CLOCK: variants seen among roughly 807,000 people sequenced by gnomAD.
The protein encoded by CLOCK is circadian locomoter output cycles protein kaput.
CLOCK carries 43 observed loss-of-function variants against 118.4 expected under a neutral mutation model. The observed-to-expected ratio is 0.36, with a 90% CI of 0.28 to 0.47. The LOEUF (loss-of-function observed/expected upper bound fraction) is 0.47, where lower values mean the gene tolerates loss of function less well. CLOCK is among the 20% of genes least tolerant of loss of function. The pLI, the probability that CLOCK is intolerant of heterozygous loss-of-function variation, is 1.00. For missense variants in CLOCK, 846 were observed against 999.9 expected (o/e 0.85, Z 2.08); for synonymous variants, 326 against 339.2 (o/e 0.96, Z 0.43).
intron 16 of CLOCK, 76 bp from the exon 17 acceptor site, chr4:55,449,572 TCA>T (rs1724242038): frequency 7.9e-7 from 1 of 1,258,544 alleles, no homozygotes; most frequent in East Asian, 2.4e-5. Context: ...AAAATGTATT[TCA>T]GTTAATAAAA....
chr4:55,460,926 TC>T (rs1458852122), intron 9 of CLOCK, among the ~76,000 whole-genome samples: 1 of 125,638 alleles, frequency 8.0e-6, no homozygotes, highest in Non-Finnish European at 1.7e-5. Flanking sequence ...TACTTTCCTC[TC>T]CTTTTTTTTT....
At chr4:55,455,813 C>T (rs910310870) in intron 13 of CLOCK, 84 bp downstream of exon 13, 1 of 953,124 alleles carries the variant, frequency 1.0e-6, no homozygotes, top group African/African-American at 1.6e-5. Flanking sequence ...GATTATAAAT[C>T]TGTGTCTTAC....
At chr4:55,520,491 ACTC>A (rs1380117350) in intron 1 of CLOCK, among the ~76,000 whole-genome samples, 2 of 152,098 alleles carry the variant, frequency 1.3e-5, no homozygotes, top group Non-Finnish European at 2.9e-5. Flanking sequence ...AGTATGAACT[ACTC>A]CTAGAAAACA....
At chr4:55,495,803 C>G (rs965039243) in intron 2 of CLOCK, among the ~76,000 whole-genome samples, 12 of 152,162 alleles carry the variant, frequency 7.9e-5, no homozygotes, top group East Asian at 1.9e-4. Context: ...TCCGTATCCT[C>G]AATTTTAAGC....
chr4:55,533,268 T>A (rs922505286), intron 1 of CLOCK, among the ~76,000 whole-genome samples: 2 of 152,158 alleles, frequency 1.3e-5, no homozygotes, highest in East Asian at 3.9e-4. Flanking sequence ...GGTACTGACA[T>A]AAATACAGAG....
intron 2 of CLOCK, among the ~76,000 whole-genome samples, chr4:55,502,701 T>C (rs546760981): frequency 1.3e-5 from 2 of 152,098 alleles, no homozygotes; most frequent in Non-Finnish European, 2.9e-5. Context: ...AATTAAGAAA[T>C]TATCTTAATC....
rs1447711746 is a variant in CLOCK at position 55,470,666 on chromosome 4, T to A, written c.438+51A>T. ...GTCCACTTCCCAGTGCTTTAGAATA[T>A]TTAAAATAGGCATTTTAATACGAAG... On this transcript the variant is annotated intron_variant, in intron 8 of 22. Transcript: ENST00000513440. 4 of 1,292,506 alleles carry A rather than the reference T, an allele frequency of 3.1e-6. No individual in the cohort carries two copies. In the Admixed American group the frequency reaches 6.8e-5, roughly 22 times the overall value. The allele number at this position is 1,292,506 out of a possible 1,614,324, so 80.1% of individuals were successfully genotyped here.
intron 15 of CLOCK, among the ~76,000 whole-genome samples, chr4:55,451,011 T>C (rs1159897391): frequency 2.6e-5 from 4 of 151,616 alleles, no homozygotes; most frequent in Admixed American, 6.6e-5. Flanking sequence ...CTCATCAGTA[T>C]ACAAACATGC....
At chr4:55,448,124 A>G (rs1053823616) in intron 18 of CLOCK, among the ~76,000 whole-genome samples, 22 of 152,270 alleles carry the variant, frequency 1.4e-4, no homozygotes, top group African/African-American at 4.8e-4. Context: ...TTACATATCA[A>G]CTTACATACT....
chr4:55,542,050 A>G (rs763774741), intron 1 of CLOCK, among the ~76,000 whole-genome samples: 8 of 149,418 alleles, frequency 5.4e-5, no homozygotes, highest in Non-Finnish European at 7.4e-5. Context: ...TATAATGTCT[A>G]TGCTTTTCAG....
intron 2 of CLOCK, among the ~76,000 whole-genome samples, chr4:55,498,580 TA>T (rs1453363591): frequency 6.7e-6 from 1 of 148,458 alleles, no homozygotes; most frequent in African/African-American, 2.5e-5. Context: ...CTTTCAAATT[TA>T]AAAAATTGAT....
intron 18 of CLOCK, among the ~76,000 whole-genome samples, chr4:55,445,324 A>T (rs934179931): frequency 2.0e-5 from 3 of 152,146 alleles, no homozygotes; most frequent in Admixed American, 2.0e-4. Context: ...CCTAGTGGGC[A>T]GCTTCCCTGC....
intron 1 of CLOCK, among the ~76,000 whole-genome samples, chr4:55,515,519 C>T (rs376036779): frequency 2.7e-4 from 41 of 152,186 alleles, no homozygotes; most frequent in African/African-American, 8.9e-4. Context: ...GGACTACAGG[C>T]GCCTGACACC....
intron 7 of CLOCK, among the ~76,000 whole-genome samples, chr4:55,471,663 T>G (rs1213363363): frequency 2.0e-5 from 3 of 152,224 alleles, no homozygotes; most frequent in African/African-American, 7.2e-5. Flanking sequence ...ACAATGTATT[T>G]TCATTTGAGA....
chr4:55,460,928 CTT>C (rs11441195), intron 9 of CLOCK, among the ~76,000 whole-genome samples: 5 of 145,586 alleles, frequency 3.4e-5, no homozygotes, highest in Non-Finnish European at 4.5e-5. Flanking sequence ...CTTTCCTCTC[CTT>C]TTTTTTTTTT....
intron 2 of CLOCK, among the ~76,000 whole-genome samples, chr4:55,505,039 C>T (rs1354100080): frequency 5.9e-5 from 9 of 151,438 alleles, no homozygotes; most frequent in Non-Finnish European, 1.2e-4. Context: ...AAAAATTAGC[C>T]GGGTATGGTG....
At chr4:55,436,067 T>C (rs1722854642) in intron 22 of CLOCK, among the ~76,000 whole-genome samples, 3 of 152,148 alleles carry the variant, frequency 2.0e-5, no homozygotes, top group Non-Finnish European at 4.4e-5. Flanking sequence ...TGGTTCAAAC[T>C]TGGGCTGCCC....
At chr4:55,455,578 A>C (rs1560427696) in intron 13 of CLOCK, among the ~76,000 whole-genome samples, 2 of 152,204 alleles carry the variant, frequency 1.3e-5, no homozygotes, top group Admixed American at 6.5e-5. Context: ...AAATTTAGGA[A>C]ACAATACTCC....
chr4:55,490,034 A>T (rs1727566678), intron 2 of CLOCK, among the ~76,000 whole-genome samples: 1 of 152,040 alleles, frequency 6.6e-6, no homozygotes, highest in African/African-American at 2.4e-5. Context: ...ATCAGTAATC[A>T]CTTTAAACGT....
Sources: allele counts gnomAD v4.1 joint callset (sites outside exome capture counted in the v4.1 genomes callset), GRCh38; gene constraint gnomAD v4.1.1; transcripts MANE v1.5; gene names NCBI Gene and HGNC (gene_info 2026-07-23, HGNC 2026-07-21).